The following SNAP91 variants were observed in gnomAD, a reference collection of about 807,000 sequenced individuals.
SNAP91 encodes synaptosome associated protein 91.
A neutral mutation model predicts 100.3 loss-of-function variants in SNAP91; 27 were observed. The observed-to-expected ratio is 0.27, with a 90% confidence interval of 0.20 to 0.37. The LOEUF (loss-of-function observed/expected upper bound fraction) is 0.37. Among genes scored for constraint, SNAP91 ranks in the 10% least tolerant of loss-of-function variants. The pLI is 1.00. For synonymous variants in SNAP91, 404 were observed against 398.6 expected, an observed-to-expected ratio of 1.01 and a Z score of -0.16; for missense variants, 986 against 1,123.7, an observed-to-expected ratio of 0.88 and a Z score of 1.75.
chr6:83,671,745 A>C (rs1038700160), intron 2 of SNAP91, among the ~76,000 whole-genome samples: 1 of 152,120 alleles, frequency 6.6e-6, no homozygotes, highest in African/African-American at 2.4e-5. Context: ...TTGTTCACTA[A>C]AACAAGAAAA....
chr6:83,703,700 T>A (rs2099347382), intron 2 of SNAP91, among the ~76,000 whole-genome samples: 1 of 152,188 alleles, frequency 6.6e-6, no homozygotes, highest in Non-Finnish European at 1.5e-5. Context: ...AAAATTCTAG[T>A]ATCTCTCAAA....
chr6:83,612,264 T>G (rs2096170442), intron 11 of SNAP91, among the ~76,000 whole-genome samples: 1 of 152,034 alleles, frequency 6.6e-6, no homozygotes, highest in Non-Finnish European at 1.5e-5. Flanking sequence ...TGTCAAAGGG[T>G]CTACTGAAAT....
At chr6:83,647,178 T>G (rs1050831700) in intron 7 of SNAP91, among the ~76,000 whole-genome samples, 2 of 152,084 alleles carry the variant, frequency 1.3e-5, no homozygotes, top group African/African-American at 4.8e-5. Flanking sequence ...CTGTATACCT[T>G]TCATCTCCGT....
intron 12 of SNAP91, among the ~76,000 whole-genome samples, chr6:83,609,483 T>C (rs2095853195): frequency 6.6e-6 from 1 of 152,154 alleles, no homozygotes; most frequent in Non-Finnish European, 1.5e-5. Flanking sequence ...AGCCAACCCA[T>C]CACTGGCATA....
chr6:83,647,707 CATTT>C (rs1463625040), intron 7 of SNAP91, among the ~76,000 whole-genome samples: 2 of 151,996 alleles, frequency 1.3e-5, no homozygotes, highest in African/African-American at 4.8e-5. Flanking sequence ...ATATTACATT[CATTT>C]AAGGTGTAGA....
intron 2 of SNAP91, among the ~76,000 whole-genome samples, chr6:83,700,440 A>T (rs1357722176): frequency 2.0e-5 from 3 of 151,816 alleles, no homozygotes; most frequent in African/African-American, 7.3e-5. Flanking sequence ...TTAATAACTG[A>T]TTGTTATTGC....
At chr6:83,678,420 G>C (rs1269508188) in intron 2 of SNAP91, among the ~76,000 whole-genome samples, 1 of 151,914 alleles carries the variant, frequency 6.6e-6, no homozygotes, top group Non-Finnish European at 1.5e-5. Flanking sequence ...TCCTGGTAGA[G>C]TGCTCTCGAG....
intron 16 of SNAP91, among the ~76,000 whole-genome samples, chr6:83,595,258 T>A (rs2094326637): frequency 6.6e-6 from 1 of 152,164 alleles, no homozygotes; most frequent in African/African-American, 2.4e-5. Flanking sequence ...TTTAAAGACA[T>A]AAAGAGATAA....
intron 26 of SNAP91, among the ~76,000 whole-genome samples, chr6:83,568,253 C>G (rs189912525): frequency 2.2e-4 from 34 of 152,064 alleles, no homozygotes; most frequent in Non-Finnish European, 4.1e-4. Context: ...GGACAAAAAA[C>G]CAAACACCGC....
At chr6:83,599,308 A>G (rs749823206) in intron 16 of SNAP91, among the ~76,000 whole-genome samples, 1 of 152,214 alleles carries the variant, frequency 6.6e-6, no homozygotes, top group Non-Finnish European at 1.5e-5. Context: ...TCAACTCCTT[A>G]TAAGTGGACT....
At chr6:83,680,908 C>T (rs1424011319) in intron 2 of SNAP91, among the ~76,000 whole-genome samples, 2 of 152,064 alleles carry the variant, frequency 1.3e-5, no homozygotes, top group Non-Finnish European at 2.9e-5. Context: ...AGTAGGACCC[C>T]GGGGAAACTG....
Position 83,675,827 on chromosome 6 carries a change from A to AACACACACACACACACACACAC in SNAP91, c.131-10268_131-10247dup, listed in dbSNP as rs373927158. 2.9e-3 allele frequency among the ~76,000 whole-genome samples: 398 copies of AACACACACACACACACACACAC among 138,270 alleles called. 2 individuals carry two copies. The highest frequency in any genetic ancestry group is 6.7e-3 in the African/African-American group (246 of 36,876). The allele number at this position is 138,270 out of a possible 152,430, so 90.7% of individuals were successfully genotyped here. A position where few individuals can be genotyped will look rare whatever the true frequency, so the allele number is the denominator to read the frequency against. ...GCACAGAGCCTGATACACTTGAAGG[A>AACACACACACACACACACACAC]ACACACACACACACACACACACACA... On this transcript the variant is annotated intron_variant, in intron 2 of 29. Transcript: ENST00000369694.
intron 12 of SNAP91, among the ~76,000 whole-genome samples, chr6:83,609,364 T>C (rs550659961): frequency 5.9e-5 from 9 of 152,320 alleles, no homozygotes; most frequent in African/African-American, 2.2e-4. Context: ...GTTTTTCACA[T>C]AGACATAATG....
chr6:83,707,536 C>CATGTGTGTGT (rs201707228), intron 2 of SNAP91, among the ~76,000 whole-genome samples: 1 of 148,958 alleles, frequency 6.7e-6, no homozygotes, highest in Non-Finnish European at 1.5e-5. Context: ...TATACATATG[C>CATGTGTGTGT]GTGTGTGTGT....
chr6:83,591,325 T>A (rs1468071530), intron 21 of SNAP91, 31 bp from the exon 22 acceptor site: 7 of 1,435,356 alleles, frequency 4.9e-6, no homozygotes, highest in African/African-American at 1.4e-5. Flanking sequence ...AGCGGAAAAG[T>A]AAGAAAGTGT....
chr6:83,680,182 T>C (rs772883416), intron 2 of SNAP91, among the ~76,000 whole-genome samples: 1 of 152,102 alleles, frequency 6.6e-6, no homozygotes, highest in Admixed American at 6.6e-5. Flanking sequence ...ATCATATTAC[T>C]TCCCCCCCAT....
chr6:83,683,970 T>A (rs1041838897), intron 2 of SNAP91, among the ~76,000 whole-genome samples: 15 of 152,170 alleles, frequency 9.9e-5, no homozygotes, highest in Non-Finnish European at 1.9e-4. Context: ...GTGTTAATAA[T>A]CTTCGAACTA....
chr6:83,677,464 C>T (rs2098926538), intron 2 of SNAP91, among the ~76,000 whole-genome samples: 1 of 152,172 alleles, frequency 6.6e-6, no homozygotes, highest in African/African-American at 2.4e-5. Context: ...CAACCATGTG[C>T]ATGAGTCTGA....
At chr6:83,632,139 T>G (rs927995889) in intron 8 of SNAP91, among the ~76,000 whole-genome samples, 1 of 152,162 alleles carries the variant, frequency 6.6e-6, no homozygotes, top group African/African-American at 2.4e-5. Flanking sequence ...AATTCTTGGC[T>G]GATAATTGTT....
Sources: gnomAD v4.1 joint callset for allele counts (sites outside exome capture counted in the v4.1 genomes callset) on GRCh38, gnomAD v4.1.1 for gene constraint, MANE v1.5 for transcripts, NCBI Gene and HGNC (gene_info 2026-07-23, HGNC 2026-07-21) for gene names.